The following MYO1F variants were observed in gnomAD, a reference collection of about 807,000 sequenced individuals.
MYO1F encodes the protein unconventional myosin-If.
A neutral mutation model predicts 146.6 loss-of-function variants in MYO1F; 60 were observed. The observed-to-expected ratio is 0.41, with a 90% CI of 0.33 to 0.51. The LOEUF is 0.51. Among genes scored for constraint, MYO1F ranks in the 20% least tolerant of loss-of-function variants. MYO1F has a pLI of 0.25. For synonymous variants in MYO1F, 602 were observed against 602.1 expected, an observed-to-expected ratio of 1.00 and a Z score of 0.00; for missense variants, 1,274 against 1,534.3, an observed-to-expected ratio of 0.83 and a Z score of 2.83.
Position 8,522,785 on chromosome 19 carries a change from GGGGGCCCC to G in MYO1F, c.2891_2898del (p.Gly964AlafsTer46). The G allele has an allele frequency of 6.2e-7, 1 of 1,601,058 alleles. No individual in the cohort carries two copies. Among genetic ancestry groups the G allele is most frequent in the Non-Finnish European group, 8.5e-7 (1 of 1,175,704 alleles). ...CCTCCAGACATGATCTCCAGGGGCA[GGGGGCCCC>G]CTCTGGCAGAGGGGGGCACCCCATT... On this transcript the variant is annotated frameshift_variant, in exon 26 of 28. Coordinates refer to ENST00000644032, the MANE Select transcript of MYO1F (RefSeq NM_012335.4). LOFTEE classifies it high-confidence loss of function.
chr19:8,564,018 A>G (rs536589234), intron 1 of MYO1F, among the ~76,000 whole-genome samples: 8 of 152,240 alleles, frequency 5.3e-5, no homozygotes, highest in Non-Finnish European at 7.4e-5. Flanking sequence ...AAACTATGGG[A>G]GTTGAGTGTG....
chr19:8,574,979 C>CAAGAGGA lies in MYO1F; in HGVS notation c.3+2327_3+2328insTCCTCTT, dbSNP rs2042211035. 4.6e-5 allele frequency among the ~76,000 whole-genome samples: 7 copies of CAAGAGGA among 151,830 alleles called. No individual in the cohort carries two copies. The South Asian group carries it at 1.5e-3, about 32-fold the overall frequency. On this transcript the variant is annotated intron_variant, in intron 1 of 27. Coordinates refer to ENST00000644032, the MANE Select transcript of MYO1F (RefSeq NM_012335.4). ...CCATGTTGGCCAGGCTGGTCTTGAA[C>CAAGAGGA]TCTTGACCTCAGGTGATCCGCCCAC...
At chr19:8,569,495 G>T (rs1172990711) in intron 1 of MYO1F, among the ~76,000 whole-genome samples, 1 of 152,112 alleles carries the variant, frequency 6.6e-6, no homozygotes, top group Non-Finnish European at 1.5e-5. Context: ...GTGCCTATGG[G>T]GCTGGGGGAT....
Position 8,574,555 on chromosome 19 carries a change from CTT to C in MYO1F, c.3+2750_3+2751del, listed in dbSNP as rs1421921495. On this transcript the variant is annotated intron_variant, in intron 1 of 27. Transcript: ENST00000644032. ...CCTTTCTTTCTTTCTTTCTTTCTTT[CTT>C]TCTTTCTTTCTTTCTTTCTTTCTCT... Among the ~76,000 whole-genome samples the C allele has an allele frequency of 3.0e-3, 276 of 91,998 alleles. 4 individuals are homozygous for C. Among genetic ancestry groups the C allele is most frequent in the African/African-American group, 7.1e-3 (156 of 22,006 alleles). The allele number at this position is 91,998 out of a possible 152,430, so 60.4% of individuals were successfully genotyped here.
intron 2 of MYO1F, chr19:8,555,376 C>CAAAAAAAAAAAAAAAAAAAAAAAAAAA (rs886749061): frequency 1.1e-5 from 1 of 94,044 alleles, no homozygotes; most frequent in Non-Finnish European, 2.0e-5. Context: ...GACTCCGTCT[C>CAAAAAAAAAAAAAAAAAAAAAAAAAAA]AAAAAAAAAA....
intron 18 of MYO1F, 34 bp from the exon 19 acceptor site, chr19:8,536,430 A>G: frequency 6.2e-7 from 1 of 1,607,562 alleles, no homozygotes. Context: ...GGGAGTGCTC[A>G]TAGCAGACAG....
At chr19:8,553,892 ACACTCTCTCTCT>A (rs1005614623) in intron 4 of MYO1F, among the ~76,000 whole-genome samples, 3 of 105,236 alleles carry the variant, frequency 2.9e-5, no homozygotes, top group Admixed American at 1.1e-4. Flanking sequence ...ACACACACAC[ACACTCTCTCTCT>A]CTCTCTCTCT....
At chr19:8,539,120 A>C (rs762452574) in intron 16 of MYO1F, among the ~76,000 whole-genome samples, 12 of 151,998 alleles carry the variant, frequency 7.9e-5, no homozygotes, top group Non-Finnish European at 1.6e-4. Context: ...TCTCTACTGA[A>C]AATACAAAAT....
At chr19:8,561,374 C>CTCCCTCCT (rs1974098842) in intron 1 of MYO1F, among the ~76,000 whole-genome samples, 1 of 119,674 alleles carries the variant, frequency 8.4e-6, no homozygotes, top group African/African-American at 2.9e-5. Context: ...CCCTCCCTCC[C>CTCCCTCCT]TCCCTTCCCC....
intron 1 of MYO1F, among the ~76,000 whole-genome samples, chr19:8,560,884 G>T (rs1055311029): frequency 2.0e-5 from 3 of 151,856 alleles, no homozygotes; most frequent in Non-Finnish European, 4.4e-5. Flanking sequence ...GACTACAGGC[G>T]CCCGCCACCA....
intron 1 of MYO1F, among the ~76,000 whole-genome samples, chr19:8,564,769 GTT>G (rs751322202): frequency 6.8e-6 from 1 of 147,152 alleles, no homozygotes; most frequent in Non-Finnish European, 1.5e-5. Flanking sequence ...CGTGTTTCCT[GTT>G]TTTTTTTTGT....
intron 1 of MYO1F, among the ~76,000 whole-genome samples, chr19:8,561,396 T>TTCCTTTCTCCTCTCCCTC (rs1974105442): frequency 7.4e-5 from 8 of 107,518 alleles, no homozygotes; most frequent in South Asian, 3.6e-4. Context: ...CTTCTTTCCT[T>TTCCTTTCTCCTCTCCCTC]CCTTCCTTTC....
chr19:8,531,703 C>T (rs564812717), intron 19 of MYO1F, among the ~76,000 whole-genome samples: 3 of 152,184 alleles, frequency 2.0e-5, no homozygotes, highest in South Asian at 2.1e-4. Flanking sequence ...TTGCAAGAAA[C>T]GGTATGATGT....
chr19:8,522,053 C>T (rs1356619877), intron 27 of MYO1F, among the ~76,000 whole-genome samples: 4 of 149,048 alleles, frequency 2.7e-5, no homozygotes, highest in Non-Finnish European at 5.9e-5. Flanking sequence ...GACGGAGTCT[C>T]GCTCTATCGC....
Position 8,548,117 on chromosome 19 carries a change from A to AT in MYO1F, c.1187dup (p.Asn396LysfsTer13). ...AGTTGATGCAAAACTGCTCGAAGCC[A>AT]TTTTTCTGCAGAAGGAGGAAAAGGG... On this transcript the variant is annotated frameshift_variant, in exon 12 of 28. Coordinates refer to ENST00000644032, the MANE Select transcript of MYO1F (RefSeq NM_012335.4). LOFTEE classifies it high-confidence loss of function. 6.2e-7 allele frequency: 1 copy of AT among 1,613,620 alleles called. No individual in the cohort carries two copies. The highest frequency in any genetic ancestry group is 8.5e-7 in the Non-Finnish European group (1 of 1,179,932).
intron 10 of MYO1F, 170 bp downstream of exon 10, chr19:8,549,990 G>T: frequency 1.4e-6 from 1 of 725,606 alleles, no homozygotes; most frequent in Admixed American, 2.2e-5. Context: ...GTAGAGATGG[G>T]GGTCTTGCTA....
chr19:8,527,078 G>A (rs2145829761), intron 22 of MYO1F, 143 bp from the exon 23 acceptor site: 1 of 1,190,970 alleles, frequency 8.4e-7, no homozygotes, highest in East Asian at 2.5e-5. Flanking sequence ...AGAAAAAGGG[G>A]GATGTGGCAA....
chr19:8,550,682 C>A lies in MYO1F; in HGVS notation c.784G>T (p.Val262Phe). The A allele has an allele frequency of 6.2e-7, 1 of 1,614,130 alleles. No homozygotes were observed. Among genetic ancestry groups the A allele is most frequent in the Non-Finnish European group, 8.5e-7 (1 of 1,180,024 alleles). Residue 262 changes from valine (V) to phenylalanine (F), a missense_variant, in exon 9 of 28, where the codon GTT becomes TTT. Physicochemically the swap from Val to Phe is conservative, Grantham distance 50. Transcript: ENST00000644032. ...TGGATGCTGGGCGGGATCCCAATAACCTGCATAGCACTCTGTGGTACAACG... is the reference window on the plus strand; with the variant it reads ...TGGATGCTGGGCGGGATCCCAATAAACTGCATAGCACTCTGTGGTACAACG... ...DFGETLSAMQ[V>F]IGIPPSIQQL... is the part of the protein sequence containing the mutation.
rs1382658287 is a variant in MYO1F, at chr19:8,529,995, T to A, written c.2328+201A>T. On this transcript the variant is annotated intron_variant, in intron 21 of 27. Coordinates refer to ENST00000644032, the MANE Select transcript of MYO1F (RefSeq NM_012335.4). ...GGTGTGTCTGTGCCAGGTGAGGGTA[T>A]ACCTGTGATGGAACAGATGGATCTA... 6 of 706,930 alleles carry A rather than the reference T, an allele frequency of 8.5e-6. No homozygotes were observed. The Admixed American group carries it at 1.3e-4, about 15-fold the overall frequency. 43.8% of individuals were successfully genotyped at this position (706,930 alleles called of 1,614,324 possible).
Sources: gnomAD v4.1 joint callset for allele counts (sites outside exome capture counted in the v4.1 genomes callset) on GRCh38, gnomAD v4.1.1 for gene constraint, MANE v1.5 for transcripts, NCBI Gene and HGNC (gene_info 2026-07-23, HGNC 2026-07-21) for gene names.